DHX15: variants seen among roughly 807,000 people sequenced by gnomAD.
The protein encoded by DHX15 is DEAH-box helicase 15, also known as ATP-dependent RNA helicase DHX15.
In DHX15, 11 loss-of-function variants were observed where a neutral mutation model predicts 94.4. The ratio of observed to expected loss-of-function variants is 0.12; its 90% CI spans 0.07 to 0.19. DHX15 has a LOEUF of 0.19. DHX15 is among the 10% of genes least tolerant of loss of function. The pLI, the probability that DHX15 is intolerant of heterozygous loss-of-function variation, is 1.00. For synonymous variants in DHX15, 338 were observed against 329.9 expected, an observed-to-expected ratio of 1.02 and a Z score of -0.27; for missense variants, 304 against 988.5, an observed-to-expected ratio of 0.31 and a Z score of 9.29.
intron 8 of DHX15, among the ~76,000 whole-genome samples, chr4:24,541,184 G>A (rs577570067): frequency 2.6e-5 from 4 of 152,060 alleles, no homozygotes; most frequent in Admixed American, 1.3e-4. Context: ...AAAGAAATTC[G>A]TATAGTAGTC....
intron 13 of DHX15, among the ~76,000 whole-genome samples, chr4:24,528,880 G>T (rs1721017940): frequency 6.6e-6 from 1 of 150,992 alleles, no homozygotes; most frequent in Admixed American, 6.6e-5. Context: ...TAATTGTAAT[G>T]GGACAAAAAA....
chr4:24,564,011 G>A (rs1354279579), intron 3 of DHX15, among the ~76,000 whole-genome samples: 1 of 149,568 alleles, frequency 6.7e-6, no homozygotes, highest in Admixed American at 6.7e-5. Flanking sequence ...AGCTTGCAGT[G>A]AGCCAAGACT....
At chr4:24,574,230 T>TAAAAAAAAAAAAAAAAAA (rs1413770864) in intron 2 of DHX15, among the ~76,000 whole-genome samples, 26 of 81,840 alleles carry the variant, frequency 3.2e-4, no homozygotes, top group South Asian at 8.7e-4. Flanking sequence ...AAAAAAAAAG[T>TAAAAAAAAAAAAAAAAAA]TAAAGTCATT....
intron 3 of DHX15, among the ~76,000 whole-genome samples, chr4:24,559,021 CATTA>C (rs1721805809): frequency 6.6e-6 from 1 of 152,136 alleles, no homozygotes; most frequent in Non-Finnish European, 1.5e-5. Context: ...ATCAACGTGA[CATTA>C]CTCAGAAATA....
At chr4:24,578,762 A>G (rs2109012778) in intron 1 of DHX15, among the ~76,000 whole-genome samples, 1 of 152,128 alleles carries the variant, frequency 6.6e-6, no homozygotes, top group South Asian at 2.1e-4. Context: ...TAAGGGTCTC[A>G]CCATGTTGCC....
chr4:24,577,125 G>A (rs1349396093), intron 1 of DHX15, among the ~76,000 whole-genome samples: 2 of 152,198 alleles, frequency 1.3e-5, no homozygotes, highest in Non-Finnish European at 2.9e-5. Context: ...ACTGCTACTG[G>A]AGATAAAGAC....
intron 3 of DHX15, among the ~76,000 whole-genome samples, chr4:24,561,120 A>C (rs1721865676): frequency 6.6e-6 from 1 of 152,234 alleles, no homozygotes. Context: ...AAATGTGTGT[A>C]CAAGTTTGTA....
chr4:24,576,476 T>C lies in DHX15; in HGVS notation c.274A>G (p.Thr92Ala). Residue 92 changes from threonine (T) to alanine (A), a missense_variant, in exon 2 of 14, where the codon ACG becomes GCG. By Grantham distance (58) the Thr-to-Ala change is moderately conservative. Transcript: ENST00000336812. ...SAHSTHSAHSTHSTHSAHSTH... is the reference protein window; with the variant it reads ...SAHSTHSAHSAHSTHSAHSTH... Reference sequence around the variant, plus strand: ...GAATGAGCAGAATGTGTTGAATGCGTTGAATGTGCTGAGTGGGTTGAGTGA... The same window carrying C: ...GAATGAGCAGAATGTGTTGAATGCGCTGAATGTGCTGAGTGGGTTGAGTGA... The C allele has an allele frequency of 7.4e-6, 12 of 1,614,198 alleles. No individual in the cohort carries two copies. The highest frequency in any genetic ancestry group is 1.0e-5 in the Non-Finnish European group (12 of 1,180,026).
At chr4:24,577,741 T>C (rs946783330) in intron 1 of DHX15, among the ~76,000 whole-genome samples, 1 of 152,130 alleles carries the variant, frequency 6.6e-6, no homozygotes, top group Non-Finnish European at 1.5e-5. Context: ...AGGTTGTTCA[T>C]ATGCGTTGTG....
intron 11 of DHX15, 148 bp from the exon 12 acceptor site, chr4:24,533,202 T>C (rs1721124618): frequency 8.6e-6 from 6 of 700,894 alleles, no homozygotes; most frequent in Admixed American, 2.4e-5. Flanking sequence ...TGAACTGCAA[T>C]GTTACCAACT....
intron 2 of DHX15, among the ~76,000 whole-genome samples, chr4:24,574,021 C>A (rs1327108485): frequency 1.4e-5 from 2 of 147,368 alleles, no homozygotes; most frequent in Non-Finnish European, 1.5e-5. Flanking sequence ...CAGGGTGAAA[C>A]CCTGTCTCTA....
intron 1 of DHX15, among the ~76,000 whole-genome samples, chr4:24,577,750 T>C (rs996997417): frequency 6.6e-6 from 1 of 152,140 alleles, no homozygotes; most frequent in African/African-American, 2.4e-5. Context: ...ATATGCGTTG[T>C]GGCTGAAAGC....
At position 24,548,879 on chromosome 4, in the gene DHX15, T is replaced by C. The variant is rs746224025; in HGVS notation, c.1224A>G (p.Lys408=). Residue 408 remains lysine, a synonymous_variant, in exon 6 of 14, where the codon AAA becomes AAG. Coordinates refer to ENST00000336812, the MANE Select transcript of DHX15 (RefSeq NM_001358.3). ...QRIFEPPPPK[K]QNGAIGRKVV... is the part of the protein sequence containing the mutation. Reference sequence around the variant, plus strand: ...CCTTTCTTCCAATTGCTCCATTCTGTTTTTTGGGAGGTGGAGGCTCAAAAA... The same window carrying C: ...CCTTTCTTCCAATTGCTCCATTCTGCTTTTTGGGAGGTGGAGGCTCAAAAA... The C allele has an allele frequency of 1.9e-5, 31 of 1,612,604 alleles. No homozygotes were observed. Among genetic ancestry groups the C allele is most frequent in the Non-Finnish European group, 2.6e-5 (31 of 1,179,390 alleles).
intron 5 of DHX15, among the ~76,000 whole-genome samples, chr4:24,551,175 C>T (rs890361928): frequency 2.6e-5 from 4 of 152,224 alleles, no homozygotes; most frequent in Non-Finnish European, 5.9e-5. Context: ...GGCAGCACTG[C>T]GGACAAATGT....
chr4:24,546,238 A>G (rs1471825145), intron 6 of DHX15, among the ~76,000 whole-genome samples: 1 of 152,192 alleles, frequency 6.6e-6, no homozygotes, highest in Non-Finnish European at 1.5e-5. Flanking sequence ...TGGATCATTA[A>G]GTCTTTCTTT....
At chr4:24,564,998 T>C (rs1033869660) in intron 3 of DHX15, among the ~76,000 whole-genome samples, 1 of 152,180 alleles carries the variant, frequency 6.6e-6, no homozygotes, top group South Asian at 2.1e-4. Context: ...CAGAGTTAGA[T>C]ACCTAATCAC....
In DHX15 at chr4:24,527,914, A is replaced by G. The variant is rs1425070340; in HGVS notation, c.*10T>C. ...TGTCCTCTCAATAACTTCAGTTCTAAGCACTGAATTCAGTACTGTGAATAT... is the reference window on the plus strand; with the variant it reads ...TGTCCTCTCAATAACTTCAGTTCTAGGCACTGAATTCAGTACTGTGAATAT... On this transcript the variant is annotated 3_prime_UTR_variant, in exon 14 of 14. Transcript: ENST00000336812. 1.9e-6 allele frequency: 3 copies of G among 1,587,170 alleles called. No homozygotes were observed. The highest frequency in any genetic ancestry group is 2.6e-6 in the Non-Finnish European group (3 of 1,155,610).
At chr4:24,546,694 AC>A (rs1721432330) in intron 6 of DHX15, among the ~76,000 whole-genome samples, 1 of 152,208 alleles carries the variant, frequency 6.6e-6, no homozygotes, top group African/African-American at 2.4e-5. Context: ...TATTAGTACC[AC>A]AATCAAGTTA....
In DHX15 at chr4:24,547,927, ATATATATATATATATC is replaced by A. The variant is rs1721477223; in HGVS notation, c.1248+912_1248+927del. Among the ~76,000 whole-genome samples the A allele has an allele frequency of 4.9e-5, 5 of 102,960 alleles. No individual in the cohort carries two copies. The East Asian group carries it at 1.0e-3, about 21-fold the overall frequency. The allele number at this position is 102,960 out of a possible 152,430, so 67.5% of individuals were successfully genotyped here. ...TGTATATATATATATATATATATAT[ATATATATATATATATC>A]TATATCTATATCTATATCTATCTGC... On this transcript the variant is annotated intron_variant, in intron 6 of 13. Coordinates refer to ENST00000336812, the MANE Select transcript of DHX15 (RefSeq NM_001358.3).
Sources: allele counts gnomAD v4.1 joint callset (sites outside exome capture counted in the v4.1 genomes callset), GRCh38; gene constraint gnomAD v4.1.1; transcripts MANE v1.5; gene names NCBI Gene and HGNC (gene_info 2026-07-23, HGNC 2026-07-21).